GREM2: variants seen among roughly 807,000 people sequenced by gnomAD.
The protein encoded by GREM2 is gremlin-2.
In GREM2, 11 loss-of-function variants were observed where a neutral mutation model predicts 14.2. That is an observed-to-expected ratio of 0.78 (90% CI 0.49 to 1.28). The LOEUF (loss-of-function observed/expected upper bound fraction) is 1.28. Among genes scored for constraint, GREM2 ranks in the 50% most tolerant of loss-of-function variants. The pLI, the probability that GREM2 is intolerant of heterozygous loss-of-function variation, is 0.00. For synonymous variants in GREM2, 98 were observed against 97.6 expected (o/e 1.00, Z -0.02); for missense variants, 210 against 218.5 (o/e 0.96, Z 0.24).
Position 240,600,638 on chromosome 1 carries a change from C to T in GREM2, c.-2+11246G>A, listed in dbSNP as rs992053911. On this transcript the variant is annotated intron_variant, in intron 1 of 1. Transcript: ENST00000318160. ...AGCTGGGATTACAGGCGCCCACCAC[C>T]GCACACGGCTAAGATTTGTATTTTT... Among the ~76,000 whole-genome samples, 7 of 152,062 alleles carry T rather than the reference C, an allele frequency of 4.6e-5. No individual in the cohort carries two copies. The South Asian group carries it at 1.0e-3, about 23-fold the overall frequency.
At chr1:240,564,427 G>A (rs1335550447) in intron 1 of GREM2, among the ~76,000 whole-genome samples, 1 of 150,868 alleles carries the variant, frequency 6.6e-6, no homozygotes, top group Non-Finnish European at 1.5e-5. Context: ...AGGATCACTT[G>A]AGCCTGGGAG....
At chr1:240,519,590 T>C (rs945429714) in intron 1 of GREM2, among the ~76,000 whole-genome samples, 1 of 152,238 alleles carries the variant, frequency 6.6e-6, no homozygotes, top group African/African-American at 2.4e-5. Context: ...ATATTTGTTT[T>C]GATAGAGATT....
chr1:240,496,221 G>A (rs1677411119), intron 1 of GREM2, among the ~76,000 whole-genome samples: 1 of 152,092 alleles, frequency 6.6e-6, no homozygotes, highest in Non-Finnish European at 1.5e-5. Context: ...ACAGGCCACT[G>A]GGCCAGGCTA....
chr1:240,564,248 G>A (rs183923031), intron 1 of GREM2, among the ~76,000 whole-genome samples: 9 of 152,018 alleles, frequency 5.9e-5, no homozygotes, highest in South Asian at 2.1e-4. Context: ...GCTCACGCCT[G>A]TAATCCCAGC....
rs561071858 is a variant in GREM2, at chr1:240,527,783, T to G, written c.-1-34307A>C. Among the ~76,000 whole-genome samples the G allele has an allele frequency of 2.4e-4, 36 of 152,338 alleles. 1 individual carries two copies. The South Asian group carries it at 7.0e-3, about 30-fold the overall frequency. On this transcript the variant is annotated intron_variant, in intron 1 of 1. Transcript: ENST00000318160. ...CACACAAAGTCTCTAATTACTTGTC[T>G]AAGGTCAAACAGCCATGGTGAATAC...
intron 1 of GREM2, among the ~76,000 whole-genome samples, chr1:240,494,521 A>C (rs896543743): frequency 6.6e-6 from 1 of 152,246 alleles, no homozygotes; most frequent in Non-Finnish European, 1.5e-5. Context: ...TTGCATCTGT[A>C]TTATTACATA....
Position 240,542,235 on chromosome 1 carries a change from C to T in GREM2, c.-1-48759G>A, listed in dbSNP as rs1678606043. ...ATAGATTAGATGTGCTACCTGATCA[C>T]ATCTCTCCAGACCTGTGGAATTCAG... On this transcript the variant is annotated intron_variant, in intron 1 of 1. Coordinates refer to ENST00000318160, the MANE Select transcript of GREM2 (RefSeq NM_022469.4). The surrounding 1 kb of genome is among the most constrained non-coding windows in gnomAD (Gnocchi z 4.1). 6.6e-6 allele frequency among the ~76,000 whole-genome samples: 1 copy of T among 152,056 alleles called. No individual in the cohort carries two copies. Among genetic ancestry groups the T allele is most frequent in the Non-Finnish European group, 1.5e-5 (1 of 68,032 alleles).
chr1:240,493,760 G>A (rs925669346), intron 1 of GREM2, among the ~76,000 whole-genome samples: 1 of 152,054 alleles, frequency 6.6e-6, no homozygotes, highest in Non-Finnish European at 1.5e-5. Flanking sequence ...GGAACTCCTG[G>A]CCTCAAGCGC....
In GREM2 at chr1:240,554,418, A is replaced by C. The variant is rs999933085; in HGVS notation, c.-2+57466T>G. 2.6e-5 allele frequency among the ~76,000 whole-genome samples: 4 copies of C among 152,096 alleles called. No homozygotes were observed. In the South Asian group the frequency reaches 8.3e-4, roughly 32 times the overall value. On this transcript the variant is annotated intron_variant, in intron 1 of 1. Transcript: ENST00000318160. ...AAGAAAGAAACTCCGTCTCGAAAAA[A>C]AAAAAAAAAGATGAGGTCTCACTAT...
At chr1:240,604,164 G>A (rs780492834) in intron 1 of GREM2, among the ~76,000 whole-genome samples, 2 of 151,698 alleles carry the variant, frequency 1.3e-5, no homozygotes, top group Non-Finnish European at 2.9e-5. Flanking sequence ...CCGTGGGGAG[G>A]GCACCAAGCC....
intron 1 of GREM2, among the ~76,000 whole-genome samples, chr1:240,522,564 A>G (rs1284567408): frequency 6.6e-6 from 1 of 152,206 alleles, no homozygotes; most frequent in African/African-American, 2.4e-5. Flanking sequence ...TGTCAGGAGT[A>G]AAAGGCACCT....
intron 1 of GREM2, among the ~76,000 whole-genome samples, chr1:240,569,640 C>G (rs182194144): frequency 2.6e-5 from 4 of 152,234 alleles, no homozygotes; most frequent in Admixed American, 2.6e-4. Context: ...GCTGGCTATC[C>G]ATAGATGGGG....
chr1:240,570,538 C>G (rs189915859), intron 1 of GREM2, among the ~76,000 whole-genome samples: 2 of 152,190 alleles, frequency 1.3e-5, no homozygotes, highest in Admixed American at 1.3e-4. Flanking sequence ...GTTGAGGAAA[C>G]TAGCAAAAAA....
At chr1:240,524,271 C>T (rs2103307005) in intron 1 of GREM2, among the ~76,000 whole-genome samples, 1 of 152,340 alleles carries the variant, frequency 6.6e-6, no homozygotes, top group Admixed American at 6.5e-5. Flanking sequence ...TCTTGGCCTT[C>T]CAAAGTGTTG....
chr1:240,512,455 A>G (rs1677853838), intron 1 of GREM2, among the ~76,000 whole-genome samples: 4 of 33,082 alleles, frequency 1.2e-4, no homozygotes. Flanking sequence ...TTTTCCTACT[A>G]CTAAGGCTCT....
At chr1:240,604,309 ATG>A (rs61016634) in intron 1 of GREM2, among the ~76,000 whole-genome samples, 6,226 of 116,476 alleles carry the variant, frequency 0.053, 276 homozygotes, top group African/African-American at 0.12. Context: ...AACTATACGT[ATG>A]TGTGTGTGTG....
At chr1:240,517,358 A>G (rs12047249) in intron 1 of GREM2, among the ~76,000 whole-genome samples, 18,444 of 152,232 alleles carry the variant, frequency 0.12, 1,392 homozygotes, top group South Asian at 0.19. Context: ...TTGTTGGATC[A>G]TCTTAAAATT....
chr1:240,550,778 A>G (rs553611462), intron 1 of GREM2, among the ~76,000 whole-genome samples: 2 of 152,328 alleles, frequency 1.3e-5, no homozygotes, highest in South Asian at 4.1e-4. Flanking sequence ...TGACTAATTC[A>G]AAATGTCTTT....
intron 1 of GREM2, among the ~76,000 whole-genome samples, chr1:240,514,539 AAACTAGAGAAG>A (rs1003034828): frequency 6.6e-6 from 1 of 152,196 alleles, no homozygotes; most frequent in African/African-American, 2.4e-5. Context: ...ATTTAAACAG[AAACTAGAGAAG>A]AACAAGAGAT....
Sources: gnomAD v4.1 joint callset for allele counts (sites outside exome capture counted in the v4.1 genomes callset) on GRCh38, gnomAD v4.1.1 for gene constraint, Gnocchi (gnomAD v3.1) non-coding constraint, MANE v1.5 for transcripts, NCBI Gene and HGNC (gene_info 2026-07-23, HGNC 2026-07-21) for gene names.